TEX11: variants seen among roughly 807,000 people sequenced by gnomAD.
The protein encoded by TEX11 is testis expressed 11.
In TEX11, 7 loss-of-function variants were observed where a neutral mutation model predicts 84.4. That is an observed-to-expected ratio of 0.08 (90% confidence interval 0.05 to 0.16). The LOEUF is 0.16. Among genes scored for constraint, TEX11 ranks in the 10% least tolerant of loss-of-function variants. The pLI, the probability that TEX11 is intolerant of heterozygous loss-of-function variation, is 1.00. For synonymous variants in TEX11, 264 were observed against 222.8 expected, an observed-to-expected ratio of 1.18 and a Z score of -1.64; for missense variants, 551 against 660.5, an observed-to-expected ratio of 0.83 and a Z score of 1.82.
At chrX:70,646,991 G>A (rs779472618) in intron 17 of TEX11, among the ~76,000 whole-genome samples, 4 of 111,507 alleles carry the variant, frequency 3.6e-5, no homozygotes, top group Non-Finnish European at 5.7e-5. Context: ...ACTGTTTATC[G>A]GTGGATAAGT....
intron 13 of TEX11, among the ~76,000 whole-genome samples, chrX:70,710,886 C>A (rs2090424349): frequency 9.0e-6 from 1 of 110,502 alleles, no homozygotes; most frequent in Non-Finnish European, 1.9e-5. Flanking sequence ...GTGCCGCACC[C>A]ATTAACTCGT....
chrX:70,662,882 A>G (rs1303061691), intron 16 of TEX11, among the ~76,000 whole-genome samples: 1 of 111,738 alleles, frequency 8.9e-6, no homozygotes, highest in Non-Finnish European at 1.9e-5. Context: ...AACACAAGGA[A>G]ATCTCTCAGG....
At chrX:70,523,782 TTTTTG>T in the TEX11 span, among the ~76,000 whole-genome samples, 3 of 107,614 alleles carry the variant, frequency 2.8e-5, no homozygotes, top group Admixed American at 2.0e-4. Flanking sequence ...TTTTTTTTTT[TTTTTG>T]GAAGAAGATA....
At chrX:70,622,105 A>T (rs1428154095) in intron 20 of TEX11, among the ~76,000 whole-genome samples, 1 of 112,142 alleles carries the variant, frequency 8.9e-6, no homozygotes, top group Non-Finnish European at 1.9e-5. Flanking sequence ...AGTTTTTAAA[A>T]TTTTACAGAT....
At chrX:70,740,521 T>C (rs1395267044) in intron 11 of TEX11, among the ~76,000 whole-genome samples, 180 bp downstream of exon 11, 2 of 111,699 alleles carry the variant, frequency 1.8e-5, no homozygotes, top group African/African-American at 6.5e-5. Flanking sequence ...ACATAGGAAT[T>C]TGCGGGGACA....
At chrX:70,715,992 T>C (rs1216089907) in intron 13 of TEX11, among the ~76,000 whole-genome samples, 1 of 112,740 alleles carries the variant, frequency 8.9e-6, no homozygotes, top group Non-Finnish European at 1.9e-5. Context: ...TTTCTGTTTG[T>C]TAGTTTTCCT....
At chrX:70,739,681 A>AT (rs750946041) in intron 11 of TEX11, among the ~76,000 whole-genome samples, 19 of 111,796 alleles carry the variant, frequency 1.7e-4, no homozygotes, top group Middle Eastern at 4.6e-3. Flanking sequence ...AAGTGCTGGG[A>AT]TTACAGGCAT....
At chrX:70,602,779 A>G (rs892824413) in intron 24 of TEX11, among the ~76,000 whole-genome samples, 2 of 97,311 alleles carry the variant, frequency 2.1e-5, no homozygotes, top group Admixed American at 1.2e-4. Context: ...TTTGCAGATG[A>G]CATGATTGTA....
intron 17 of TEX11, among the ~76,000 whole-genome samples, chrX:70,639,644 C>A (rs1186935988): frequency 9.0e-6 from 1 of 111,473 alleles, no homozygotes; most frequent in Admixed American, 9.5e-5. Context: ...GGGAGGCACC[C>A]TCCAGCAGGG....
In TEX11 at chrX:70,567,649, C is replaced by T. The variant is rs868690848; in HGVS notation, c.2141-12849G>A. Among the ~76,000 whole-genome samples, 6 of 111,183 alleles carry T rather than the reference C, an allele frequency of 5.4e-5. No individual in the cohort carries two copies. In the South Asian group the frequency reaches 2.4e-3, roughly 44 times the overall value. On this transcript the variant is annotated intron_variant, in intron 25 of 29. Transcript: ENST00000374333. ...CAAAGAACATCTTTATTTCTGCCTT[C>T]GTTTTGTTATGTACCCAGTAGTCAT...
At position 70,722,599 on chromosome X, in the gene TEX11, AGG is replaced by A; in HGVS notation, c.1004+17_1004+18del. The A allele has an allele frequency of 8.4e-7, 1 of 1,186,736 alleles. No individual in the cohort carries two copies. On this transcript the variant is annotated intron_variant, in intron 13 of 29. Coordinates refer to ENST00000374333, the MANE Select transcript of TEX11 (RefSeq NM_031276.3). ...CCAAAAACTGTCAGTCTTTAGAGAA[AGG>A]GAAATCAATTCTGTACCTTTCATGA...
intron 28 of TEX11, among the ~76,000 whole-genome samples, chrX:70,532,575 A>C (rs907720473): frequency 1.8e-5 from 2 of 111,245 alleles, no homozygotes; most frequent in Non-Finnish European, 3.8e-5. Flanking sequence ...GTCTCTACTA[A>C]AAATACAAAA....
chrX:70,651,873 T>A (rs2089815703), intron 16 of TEX11, among the ~76,000 whole-genome samples: 2 of 111,251 alleles, frequency 1.8e-5, no homozygotes, highest in Non-Finnish European at 3.8e-5. Context: ...CAAGGCAAAA[T>A]CTAAGGAAAA....
At chrX:70,658,370 T>C (rs768321512) in intron 16 of TEX11, among the ~76,000 whole-genome samples, 76 of 111,343 alleles carry the variant, frequency 6.8e-4, no homozygotes, top group African/African-American at 2.4e-3. Flanking sequence ...TGAGCCGAGA[T>C]AGCACAACTG....
At chrX:70,892,393 C>T (rs1413946459) in intron 2 of TEX11, among the ~76,000 whole-genome samples, 2 of 111,830 alleles carry the variant, frequency 1.8e-5, no homozygotes, top group Non-Finnish European at 3.8e-5. Context: ...CAAATTCACA[C>T]ATAACAATGT....
chrX:70,676,842 C>G (rs547074879), intron 15 of TEX11, among the ~76,000 whole-genome samples: 37 of 111,593 alleles, frequency 3.3e-4, no homozygotes, highest in Non-Finnish European at 6.6e-4. Context: ...GTCTTTTCTT[C>G]TACAATGTCT....
intron 25 of TEX11, among the ~76,000 whole-genome samples, chrX:70,567,262 AT>A (rs1427773720): frequency 4.5e-5 from 5 of 110,793 alleles, no homozygotes; most frequent in African/African-American, 1.6e-4. Flanking sequence ...CCCCTTTATC[AT>A]TTTTTATTGC....
intron 13 of TEX11, among the ~76,000 whole-genome samples, chrX:70,712,687 T>G (rs1174681079): frequency 8.1e-5 from 9 of 111,182 alleles, no homozygotes; most frequent in African/African-American, 2.6e-4. Context: ...AAGGAGATTT[T>G]GGGCTGAGAT....
At chrX:70,851,777 T>A (rs2091509867) in intron 7 of TEX11, among the ~76,000 whole-genome samples, 1 of 110,422 alleles carries the variant, frequency 9.1e-6, no homozygotes, top group African/African-American at 3.3e-5. Flanking sequence ...CATCAATAGA[T>A]GAATGGATAA....
Sources: allele counts gnomAD v4.1 joint callset (sites outside exome capture counted in the v4.1 genomes callset), GRCh38; gene constraint gnomAD v4.1.1; transcripts MANE v1.5; gene names NCBI Gene and HGNC (gene_info 2026-07-23, HGNC 2026-07-21).